The following PDZD2 variants were observed in gnomAD, a reference collection of about 807,000 sequenced individuals.
PDZD2 encodes the protein PDZ domain-containing protein 2.
Under a neutral mutation model 220.7 loss-of-function variants are expected in PDZD2, and 90 were observed. The observed-to-expected ratio is 0.41, with a 90% CI of 0.34 to 0.49. The LOEUF (loss-of-function observed/expected upper bound fraction) is 0.49, where lower values mean the gene tolerates loss of function less well. Ranked by LOEUF, PDZD2 falls within the 20% of genes least tolerant of loss-of-function variation. The pLI, the probability that PDZD2 is intolerant of heterozygous loss-of-function variation, is 0.28. For missense variants in PDZD2, 3,174 were observed against 3,608.5 expected, an observed-to-expected ratio of 0.88 and a Z score of 3.08; for synonymous variants, 1,375 against 1,450.5, an observed-to-expected ratio of 0.95 and a Z score of 1.18.
Position 32,058,103 on chromosome 5 carries a change from G to A in PDZD2, c.2200G>A (p.Glu734Lys). 1 of 1,441,490 alleles carries A rather than the reference G, an allele frequency of 6.9e-7. No homozygotes were observed. The highest frequency in any genetic ancestry group is 9.8e-7 in the Non-Finnish European group (1 of 1,022,364). The allele number at this position is 1,441,490 out of a possible 1,614,324, so 89.3% of individuals were successfully genotyped here. A position where few individuals can be genotyped will look rare whatever the true frequency, so the allele number is the denominator to read the frequency against. ...CGTCATGGAAGTAACACTCAACAAA[G>A]GTGATAGCAGCTATTCCTTACCTTT... ...RIVMEVTLNK[E>K]PRVGLGIGAC... The change falls in exon 12 of 25, where the codon GAG (glutamate) becomes AAG (lysine). Residue 734 changes from glutamate (E) to lysine (K), a missense_variant and splice_region_variant. By Grantham distance (56) the Glu-to-Lys change is moderately conservative (BLOSUM62 1). Coordinates refer to ENST00000438447, the MANE Select transcript of PDZD2 (RefSeq NM_178140.4).
At chr5:31,874,090 C>T (rs73751247) in intron 2 of PDZD2, among the ~76,000 whole-genome samples, 8,519 of 152,230 alleles carry the variant, frequency 0.056, 808 homozygotes, top group African/African-American at 0.19. Flanking sequence ...AGGGTTTCTA[C>T]ATGGTAGTCT....
chr5:32,077,675 G>C (rs763358698), intron 19 of PDZD2, 69 bp downstream of exon 19: 7 of 1,523,118 alleles, frequency 4.6e-6, no homozygotes, highest in Non-Finnish European at 6.3e-6. Flanking sequence ...GCATTATACA[G>C]GCCAGGCGCA....
intron 3 of PDZD2, among the ~76,000 whole-genome samples, chr5:31,991,794 C>T (rs527440304): frequency 4.5e-4 from 68 of 152,190 alleles, no homozygotes; most frequent in African/African-American, 1.5e-3. Flanking sequence ...TTTGGGAGGC[C>T]GAGGTGGGCA....
At chr5:32,079,258 CAAAAAAAAAACA>C (rs1286758829) in intron 19 of PDZD2, among the ~76,000 whole-genome samples, 6 of 78,908 alleles carry the variant, frequency 7.6e-5, no homozygotes, top group African/African-American at 3.5e-4. Flanking sequence ...GACTCTGTCT[CAAAAAAAAAACA>C]AAAAAAAAAC....
chr5:31,795,328 G>A (rs1753963861), intron 1 of PDZD2, among the ~76,000 whole-genome samples: 1 of 152,056 alleles, frequency 6.6e-6, no homozygotes, highest in South Asian at 2.1e-4. Flanking sequence ...CAAGAAAGTT[G>A]GTAGATTTTA....
chr5:32,075,196 C>T (rs561059873), intron 18 of PDZD2, among the ~76,000 whole-genome samples: 1 of 152,322 alleles, frequency 6.6e-6, no homozygotes, highest in African/African-American at 2.4e-5. Context: ...TACCTGTACA[C>T]AGCACCTGTG....
intron 3 of PDZD2, among the ~76,000 whole-genome samples, chr5:31,984,297 G>T (rs1319043348): frequency 6.6e-6 from 1 of 152,180 alleles, no homozygotes; most frequent in Non-Finnish European, 1.5e-5. Context: ...GCCTTTAGGT[G>T]TATTCTGAAT....
rs1452448531 is a variant in PDZD2 at position 32,098,808 on chromosome 5, G to GA, written c.8218+181dup. On this transcript the variant is annotated intron_variant, in intron 23 of 24. Coordinates refer to ENST00000438447, the MANE Select transcript of PDZD2 (RefSeq NM_178140.4). The surrounding 1 kb of genome is among the most constrained non-coding windows in gnomAD (Gnocchi z 4.1). ...CAAAAGCAGTGTTACAAATAAATTAGAAAAAAATTAGAAAATTAGAAAAAT... is the reference window on the plus strand; with the variant it reads ...CAAAAGCAGTGTTACAAATAAATTAGAAAAAAAATTAGAAAATTAGAAAAAT... Among the ~76,000 whole-genome samples, 22 of 152,276 alleles carry GA rather than the reference G, an allele frequency of 1.4e-4. No homozygotes were observed. Among genetic ancestry groups the GA allele is most frequent in the South Asian group, 2.1e-4 (1 of 4,826 alleles).
intron 2 of PDZD2, among the ~76,000 whole-genome samples, chr5:31,950,696 C>G (rs1265674459): frequency 6.6e-6 from 1 of 152,190 alleles, no homozygotes. Context: ...AAACACAAGT[C>G]TTGTGAATTA....
chr5:31,796,382 C>G (rs539628525), intron 1 of PDZD2, among the ~76,000 whole-genome samples: 51 of 152,266 alleles, frequency 3.3e-4, no homozygotes, highest in African/African-American at 1.1e-3. Context: ...CTCTCCCGGT[C>G]CTGCGCTTCT....
chr5:31,692,247 C>T (rs904375444), intron 1 of PDZD2, among the ~76,000 whole-genome samples: 1 of 152,204 alleles, frequency 6.6e-6, no homozygotes, highest in Non-Finnish European at 1.5e-5. Flanking sequence ...CCGGTGGGGC[C>T]GGCCGGGCGA....
At chr5:32,044,521 C>T (rs769493995) in intron 7 of PDZD2, among the ~76,000 whole-genome samples, 3 of 152,074 alleles carry the variant, frequency 2.0e-5, no homozygotes, top group African/African-American at 4.8e-5. Flanking sequence ...CAGGGGACAG[C>T]GGTCTAGACT....
At chr5:31,669,401 CAAAAAAAAAAAAA>C (rs34910299) in intron 1 of PDZD2, among the ~76,000 whole-genome samples, 2 of 109,656 alleles carry the variant, frequency 1.8e-5, no homozygotes, top group Admixed American at 2.0e-4. Flanking sequence ...GACCCTGTCT[CAAAAAAAAAAAAA>C]AAAAAAAAAT....
At chr5:31,864,767 G>C (rs1359472703) in intron 2 of PDZD2, among the ~76,000 whole-genome samples, 2 of 147,494 alleles carry the variant, frequency 1.4e-5, no homozygotes, top group Non-Finnish European at 3.0e-5. Context: ...TCTCACCTCA[G>C]ACTACCAAAG....
At chr5:31,662,503 C>T (rs1216568328) in intron 1 of PDZD2, among the ~76,000 whole-genome samples, 1 of 152,282 alleles carries the variant, frequency 6.6e-6, no homozygotes, top group Non-Finnish European at 1.5e-5. Context: ...CTTGCAGCTC[C>T]AGAGGCTGGA....
At chr5:31,832,771 G>A (rs539628118) in intron 2 of PDZD2, among the ~76,000 whole-genome samples, 29 of 152,234 alleles carry the variant, frequency 1.9e-4, no homozygotes, top group South Asian at 6.2e-4. Context: ...AGCCGAGATC[G>A]CGCCACTGCA....
At chr5:32,106,609 C>T (rs575370418) in intron 24 of PDZD2, 3 of 152,262 alleles carry the variant, frequency 2.0e-5, no homozygotes, top group African/African-American at 7.2e-5. Flanking sequence ...GAGACCAAAC[C>T]CAGTCTGATT....
Position 31,725,317 on chromosome 5 carries a change from G to T in PDZD2, c.-360-73572G>T, listed in dbSNP as rs371811618. Among the ~76,000 whole-genome samples the T allele has an allele frequency of 1.1e-3, 155 of 136,776 alleles. 2 individuals carry two copies. Among genetic ancestry groups the T allele is most frequent in the African/African-American group, 3.9e-3 (145 of 36,960 alleles). The allele number at this position is 136,776 out of a possible 152,430, so 89.7% of individuals were successfully genotyped here. A position where few individuals can be genotyped will look rare whatever the true frequency, so the allele number is the denominator to read the frequency against. On this transcript the variant is annotated intron_variant, in intron 1 of 24. Transcript: ENST00000438447. Reference sequence around the variant, plus strand: ...CATGCCATTGCACTCCAGCCTGGGGGACGAGAGCAAAACTCCATCTCAAAA... The same window carrying T: ...CATGCCATTGCACTCCAGCCTGGGGTACGAGAGCAAAACTCCATCTCAAAA...
intron 1 of PDZD2, among the ~76,000 whole-genome samples, chr5:31,783,014 A>G (rs1394010065): frequency 6.6e-6 from 1 of 152,018 alleles, no homozygotes; most frequent in East Asian, 1.9e-4. Flanking sequence ...GTGCCTGGCC[A>G]CCACTTTAAA....
Sources: allele counts gnomAD v4.1 joint callset (sites outside exome capture counted in the v4.1 genomes callset), GRCh38; gene constraint gnomAD v4.1.1; non-coding constraint Gnocchi (gnomAD v3.1); transcripts MANE v1.5; gene names NCBI Gene and HGNC (gene_info 2026-07-23, HGNC 2026-07-21).